The following LMAN1 variants were observed in gnomAD, a reference collection of about 807,000 sequenced individuals.
LMAN1 encodes the protein lectin, mannose binding 1.
LMAN1 carries 32 observed loss-of-function variants against 67.8 expected under a neutral mutation model. That is an observed-to-expected ratio of 0.47 (90% CI 0.36 to 0.63). LMAN1 has a LOEUF of 0.63. LMAN1 is among the 30% of genes least tolerant of loss of function. The pLI, the probability that LMAN1 is intolerant of heterozygous loss-of-function variation, is 0.00. For synonymous variants in LMAN1, 235 were observed against 219.3 expected (o/e 1.07, Z -0.63); for missense variants, 632 against 628.2 (o/e 1.01, Z -0.06).
chr18:59,343,586 T>C (rs900101804), intron 8 of LMAN1, among the ~76,000 whole-genome samples: 1 of 151,728 alleles, frequency 6.6e-6, no homozygotes, highest in African/African-American at 2.4e-5. Context: ...GCAGAAAAAA[T>C]TGAATAGCTA....
At chr18:59,356,202 C>T (rs1023884275) in intron 1 of LMAN1, among the ~76,000 whole-genome samples, 9 of 152,150 alleles carry the variant, frequency 5.9e-5, no homozygotes, top group Admixed American at 3.9e-4. Context: ...ATGCAAAATA[C>T]TGTACTTATA....
At chr18:59,358,064 G>A (rs1369095410) in intron 1 of LMAN1, among the ~76,000 whole-genome samples, 2 of 152,008 alleles carry the variant, frequency 1.3e-5, no homozygotes, top group Admixed American at 6.6e-5. Flanking sequence ...TTGTTCAACG[G>A]GTATATCTGA....
At chr18:59,340,565 TA>T (rs1335435942) in intron 8 of LMAN1, among the ~76,000 whole-genome samples, 1 of 151,002 alleles carries the variant, frequency 6.6e-6, no homozygotes, top group Non-Finnish European at 1.5e-5. Flanking sequence ...GAAGAAGAAA[TA>T]AAGCCTTTCC....
rs760086692 is a variant in LMAN1, at chr18:59,338,537, C to T, written c.1220+20G>A. ...TAAAAAAAATCACATAACACACAAA[C>T]GCTACTTTTCCATACTTACTTCATT... On this transcript the variant is annotated intron_variant, in intron 10 of 12. Transcript: ENST00000251047. 2.5e-5 allele frequency: 40 copies of T among 1,600,580 alleles called. No homozygotes were observed. Among genetic ancestry groups the T allele is most frequent in the Middle Eastern group, 1.7e-4 (1 of 6,052 alleles).
At chr18:59,343,498 A>G (rs1908333510) in intron 8 of LMAN1, among the ~76,000 whole-genome samples, 1 of 152,138 alleles carries the variant, frequency 6.6e-6, no homozygotes, top group Non-Finnish European at 1.5e-5. Flanking sequence ...ATAAACCCAC[A>G]TACCTACAAT....
At position 59,347,485 on chromosome 18, in the gene LMAN1, A is replaced by T. The variant is rs749742419; in HGVS notation, c.822+28T>A. 3.2e-5 allele frequency: 50 copies of T among 1,573,134 alleles called. No individual in the cohort carries two copies. In the African/African-American group the frequency reaches 6.2e-4, roughly 20 times the overall value. ...AGCTAAAAGGCAAACTAAACTGATA[A>T]AGTTTTTGAAAATATGTGTAAAATT... On this transcript the variant is annotated intron_variant, in intron 7 of 12. Transcript: ENST00000251047.
intron 1 of LMAN1, among the ~76,000 whole-genome samples, chr18:59,358,769 G>C (rs922132124): frequency 6.6e-6 from 1 of 152,146 alleles, no homozygotes; most frequent in Non-Finnish European, 1.5e-5. Flanking sequence ...GGAAAGTACC[G>C]ACGAGATCAA....
chr18:59,336,494 C>CTAAATAAATAAATAAA (rs1215965617), intron 10 of LMAN1, among the ~76,000 whole-genome samples: 2 of 152,128 alleles, frequency 1.3e-5, no homozygotes, highest in Non-Finnish European at 2.9e-5. Flanking sequence ...CTGAACTGAT[C>CTAAATAAATAAATAAA]TAAATAAATA....
At chr18:59,352,152 CTA>C (rs1273829694) in intron 5 of LMAN1, among the ~76,000 whole-genome samples, 1 of 152,136 alleles carries the variant, frequency 6.6e-6, no homozygotes, top group Non-Finnish European at 1.5e-5. Flanking sequence ...ATATCTCCAC[CTA>C]TATGTTATGC....
intron 5 of LMAN1, among the ~76,000 whole-genome samples, chr18:59,349,662 T>C (rs940787598): frequency 6.6e-6 from 1 of 152,214 alleles, no homozygotes; most frequent in African/African-American, 2.4e-5. Flanking sequence ...CAACAAGTAG[T>C]GAGCTCCTCT....
chr18:59,336,386 A>ATG (rs533151045), intron 10 of LMAN1, among the ~76,000 whole-genome samples: 187 of 152,354 alleles, frequency 1.2e-3, no homozygotes, highest in African/African-American at 4.4e-3. Context: ...AGATGCCAAC[A>ATG]TGAAGGAGCT....
At chr18:59,355,456 T>C (rs1425460707) in intron 2 of LMAN1, 36 bp from the exon 3 acceptor site, 3 of 1,613,856 alleles carry the variant, frequency 1.9e-6, no homozygotes, top group East Asian at 2.2e-5. Flanking sequence ...TAGAGGCTAG[T>C]GGTATATGCA....
chr18:59,340,554 T>C (rs1281418469), intron 8 of LMAN1, among the ~76,000 whole-genome samples: 1 of 150,366 alleles, frequency 6.7e-6, no homozygotes, highest in Non-Finnish European at 1.5e-5. Context: ...GCTTCACAAA[T>C]GAAGAAGAAA....
chr18:59,354,438 G>T, intron 4 of LMAN1, 81 bp downstream of exon 4: 2 of 810,626 alleles, frequency 2.5e-6, no homozygotes, highest in Non-Finnish European at 4.3e-6. Flanking sequence ...TTTGGAAGGT[G>T]TTCAGATTTG....
rs1465995346 is a variant in LMAN1, at chr18:59,331,090, T to C, written c.*3A>G. The C allele has an allele frequency of 1.9e-6, 3 of 1,605,958 alleles. No homozygotes were observed. Among genetic ancestry groups the C allele is most frequent in the Non-Finnish European group, 1.7e-6 (2 of 1,173,166 alleles). ...ATAGATGAAGTACACAGGAAAATGG[T>C]AGTCAAAAGAATTTTTTGGCAGCTG... On this transcript the variant is annotated 3_prime_UTR_variant, in exon 13 of 13. Coordinates refer to ENST00000251047, the MANE Select transcript of LMAN1 (RefSeq NM_005570.4).
chr18:59,333,339 T>A, intron 10 of LMAN1, 95 bp from the exon 11 acceptor site: 1 of 882,810 alleles, frequency 1.1e-6, no homozygotes, highest in Non-Finnish European at 1.7e-6. Context: ...AAGTCTAATA[T>A]ATTACATCAT....
At chr18:59,332,897 A>G (rs904181731) in intron 11 of LMAN1, among the ~76,000 whole-genome samples, 194 bp downstream of exon 11, 2 of 152,206 alleles carry the variant, frequency 1.3e-5, no homozygotes, top group African/African-American at 2.4e-5. Flanking sequence ...CATGACTGCT[A>G]TGGGAACTGT....
At chr18:59,356,878 A>G (rs1291740709) in intron 1 of LMAN1, among the ~76,000 whole-genome samples, 1 of 152,244 alleles carries the variant, frequency 6.6e-6, no homozygotes, top group African/African-American at 2.4e-5. Context: ...TCTGAGAGCT[A>G]TAAAGGGTTA....
chr18:59,341,119 T>G (rs1339846071), intron 8 of LMAN1, among the ~76,000 whole-genome samples: 1 of 152,100 alleles, frequency 6.6e-6, no homozygotes. Context: ...CAAAGAAGGT[T>G]ATTATATAAT....
Sources: allele counts gnomAD v4.1 joint callset (sites outside exome capture counted in the v4.1 genomes callset), GRCh38; gene constraint gnomAD v4.1.1; transcripts MANE v1.5; gene names NCBI Gene and HGNC (gene_info 2026-07-23, HGNC 2026-07-21).